Variants in RIMS1 observed in about 807,000 individuals in gnomAD.
The protein encoded by RIMS1 is regulating synaptic membrane exocytosis 1.
In RIMS1, 83 loss-of-function variants were observed where a neutral mutation model predicts 214.1. The ratio of observed to expected loss-of-function variants is 0.39; its 90% CI spans 0.32 to 0.47. RIMS1 has a LOEUF of 0.47. Ranked by LOEUF, RIMS1 falls within the 20% of genes least tolerant of loss-of-function variation. The probability of loss-of-function intolerance (pLI) is 0.99; values close to 1 mark genes in which losing one functional copy is unlikely to be tolerated. For synonymous variants in RIMS1, 793 were observed against 786.8 expected, an observed-to-expected ratio of 1.01 and a Z score of -0.13; for missense variants, 2,050 against 2,161.8, an observed-to-expected ratio of 0.95 and a Z score of 1.03.
chr6:72,024,389 G>A (rs890232361), intron 2 of RIMS1, among the ~76,000 whole-genome samples: 3 of 152,038 alleles, frequency 2.0e-5, no homozygotes, highest in Non-Finnish European at 4.4e-5. Flanking sequence ...CTTAGTCTTA[G>A]TCTCTTCATT....
At chr6:72,270,486 C>T (rs754947687) in intron 22 of RIMS1, among the ~76,000 whole-genome samples, 2 of 152,078 alleles carry the variant, frequency 1.3e-5, no homozygotes, top group Non-Finnish European at 2.9e-5. Context: ...AGTTTAGGGG[C>T]TTAAAAAACA....
chr6:72,001,893 T>C (rs895187887), intron 2 of RIMS1, among the ~76,000 whole-genome samples: 8 of 152,156 alleles, frequency 5.3e-5, no homozygotes, highest in Non-Finnish European at 8.8e-5. Flanking sequence ...AATAGATAAG[T>C]AAATGAATGA....
intron 11 of RIMS1, among the ~76,000 whole-genome samples, chr6:72,247,160 G>T (rs113010060): frequency 0.011 from 1,691 of 152,240 alleles, 10 homozygotes; most frequent in Non-Finnish European, 0.017. Flanking sequence ...GAACAGTGAA[G>T]AACTCCACCA....
intron 26 of RIMS1, among the ~76,000 whole-genome samples, chr6:72,296,343 A>G (rs1201225032): frequency 6.6e-6 from 1 of 151,972 alleles, no homozygotes; most frequent in Non-Finnish European, 1.5e-5. Context: ...AATACCTGGT[A>G]AAAGTAGAAA....
intron 1 of RIMS1, among the ~76,000 whole-genome samples, chr6:71,939,805 A>T (rs1785507882): frequency 6.6e-6 from 1 of 152,192 alleles, no homozygotes; most frequent in South Asian, 2.1e-4. Flanking sequence ...AAGTTACCAT[A>T]TGAGTTTTGG....
chr6:72,361,726 G>A (rs2097833646), intron 29 of RIMS1, among the ~76,000 whole-genome samples: 1 of 152,200 alleles, frequency 6.6e-6, no homozygotes, highest in Non-Finnish European at 1.5e-5. Flanking sequence ...ACATTCCTTG[G>A]CTTCTTTTAT....
chr6:72,341,574 C>A (rs1190583426), intron 29 of RIMS1, among the ~76,000 whole-genome samples: 1 of 151,780 alleles, frequency 6.6e-6, no homozygotes, highest in Non-Finnish European at 1.5e-5. Flanking sequence ...GTAACTGTAT[C>A]TGCAGTACTA....
chr6:71,924,550 T>C lies in RIMS1; in HGVS notation c.164+37363T>C, dbSNP rs190910408. Among the ~76,000 whole-genome samples, 274 of 151,204 alleles carry C rather than the reference T, an allele frequency of 1.8e-3. 2 individuals carry two copies. The highest frequency in any genetic ancestry group is 3.4e-3 in the Middle Eastern group (1 of 294). On this transcript the variant is annotated intron_variant, in intron 1 of 33. Coordinates refer to ENST00000521978, the MANE Select transcript of RIMS1 (RefSeq NM_014989.7). ...GGCTCACGCTTGTAATCCCAGCATT[T>C]TGGGAGGCAAAGACCGACTGATTGC...
intron 1 of RIMS1, among the ~76,000 whole-genome samples, chr6:71,942,683 C>G (rs16881953): frequency 0.019 from 2,952 of 151,604 alleles, 79 homozygotes; most frequent in African/African-American, 0.065. Flanking sequence ...CAGAAGTTAC[C>G]TGGTATTTTG....
In RIMS1 at chr6:72,115,417, A is replaced by C. The variant is rs139943316; in HGVS notation, c.471+15431A>C. 1.2e-3 allele frequency among the ~76,000 whole-genome samples: 185 copies of C among 152,098 alleles called. 1 individual carries two copies. Among genetic ancestry groups the C allele is most frequent in the African/African-American group, 4.2e-3 (174 of 41,558 alleles). ...CAGTGTCAAGTTGATGAATTTACAA[A>C]GCGATTAAATTTGTTACCTATATTT... On this transcript the variant is annotated intron_variant, in intron 4 of 33. Coordinates refer to ENST00000521978, the MANE Select transcript of RIMS1 (RefSeq NM_014989.7).
intron 2 of RIMS1, among the ~76,000 whole-genome samples, chr6:72,059,692 C>G (rs1827332652): frequency 6.6e-6 from 1 of 152,172 alleles, no homozygotes; most frequent in African/African-American, 2.4e-5. Context: ...TAAAATCATT[C>G]TAATGTACTT....
chr6:72,341,636 G>A (rs985188471), intron 29 of RIMS1, among the ~76,000 whole-genome samples: 2 of 151,688 alleles, frequency 1.3e-5, no homozygotes, highest in African/African-American at 4.8e-5. Context: ...ACACTGGAAG[G>A]AAATCATTCA....
chr6:72,225,851 T>C (rs1368409358), intron 6 of RIMS1, among the ~76,000 whole-genome samples: 1 of 152,176 alleles, frequency 6.6e-6, no homozygotes, highest in Non-Finnish European at 1.5e-5. Flanking sequence ...ATTGTCAATT[T>C]TGTGATTTGT....
intron 22 of RIMS1, among the ~76,000 whole-genome samples, chr6:72,267,678 G>T (rs1023921477): frequency 6.6e-6 from 1 of 152,066 alleles, no homozygotes; most frequent in Admixed American, 6.6e-5. Context: ...TCCTGTACTG[G>T]ACAGTGCAGG....
chr6:72,216,237 G>A (rs1053726126), intron 6 of RIMS1, among the ~76,000 whole-genome samples: 1 of 152,088 alleles, frequency 6.6e-6, no homozygotes, highest in African/African-American at 2.4e-5. Context: ...CCCAATGAGA[G>A]GATAATTATT....
At chr6:72,041,126 C>T (rs1249800707) in intron 2 of RIMS1, among the ~76,000 whole-genome samples, 1 of 151,784 alleles carries the variant, frequency 6.6e-6, no homozygotes, top group Non-Finnish European at 1.5e-5. Context: ...TAAGTAGCTC[C>T]AGATGGGCTT....
intron 6 of RIMS1, among the ~76,000 whole-genome samples, chr6:72,223,871 C>G (rs1019718574): frequency 1.4e-5 from 2 of 145,746 alleles, no homozygotes; most frequent in Non-Finnish European, 3.0e-5. Context: ...TGGCGTAAAC[C>G]TGGGAGGTGG....
At chr6:72,200,171 G>A (rs529732951) in intron 6 of RIMS1, among the ~76,000 whole-genome samples, 2 of 152,236 alleles carry the variant, frequency 1.3e-5, no homozygotes, top group Admixed American at 1.3e-4. Context: ...TCAAAGAGCA[G>A]TGGGTTCACA....
intron 28 of RIMS1, among the ~76,000 whole-genome samples, chr6:72,316,140 GA>G (rs1357393433): frequency 6.6e-6 from 1 of 152,072 alleles, no homozygotes; most frequent in Non-Finnish European, 1.5e-5. Flanking sequence ...CCACCACCAT[GA>G]CCATGTAGGG....
Sources: gnomAD v4.1 joint callset for allele counts (sites outside exome capture counted in the v4.1 genomes callset) on GRCh38, gnomAD v4.1.1 for gene constraint, MANE v1.5 for transcripts, NCBI Gene and HGNC (gene_info 2026-07-23, HGNC 2026-07-21) for gene names.